SH3KBP1: variants seen among roughly 807,000 people sequenced by gnomAD.
SH3KBP1 encodes the protein SH3 domain containing kinase binding protein 1, also known as SH3 domain-containing kinase-binding protein 1.
A neutral mutation model predicts 50.1 loss-of-function variants in SH3KBP1; 8 were observed. The observed-to-expected ratio is 0.16, with a 90% CI of 0.09 to 0.29. The LOEUF (loss-of-function observed/expected upper bound fraction) is 0.29, where lower values mean the gene tolerates loss of function less well. Among genes scored for constraint, SH3KBP1 ranks in the 10% least tolerant of loss-of-function variants. SH3KBP1 has a pLI of 1.00. For synonymous variants in SH3KBP1, 227 were observed against 218.6 expected, an observed-to-expected ratio of 1.04 and a Z score of -0.34; for missense variants, 377 against 535.2, an observed-to-expected ratio of 0.70 and a Z score of 2.92.
chrX:19,874,709 A>AG lies in SH3KBP1; in HGVS notation c.4+12597dup, dbSNP rs749171302. Among the ~76,000 whole-genome samples the AG allele has an allele frequency of 6.2e-5, 5 of 80,904 alleles. No homozygotes were observed. In the East Asian group the frequency reaches 2.0e-3, roughly 32 times the overall value. The allele number at this position is 80,904 out of a possible 115,157, so 70.3% of individuals were successfully genotyped here. ...GAGAGCAGAAGTGGGGAGGGTCAGG[A>AG]GGCTGGGGGTGGACAGTGAGGATGC... is the stretch of plus-strand genomic sequence containing the variant. On this transcript the variant is annotated intron_variant, in intron 1 of 17. Coordinates refer to ENST00000397821, the MANE Select transcript of SH3KBP1 (RefSeq NM_031892.3).
At chrX:19,746,496 T>C in intron 2 of SH3KBP1, 55 bp from the exon 3 acceptor site, 1 of 1,069,631 alleles carries the variant, frequency 9.3e-7, no homozygotes, top group Non-Finnish European at 1.3e-6. Flanking sequence ...TTAGAATGCC[T>C]CTTGGACTAT....
chrX:19,873,273 C>CATATATATATATATATGTATATATATAT (rs954295291), intron 1 of SH3KBP1, among the ~76,000 whole-genome samples: 1 of 78,619 alleles, frequency 1.3e-5, no homozygotes, highest in Non-Finnish European at 2.4e-5. Context: ...AAAACAAGGA[C>CATATATATATATATATGTATATATATAT]ATATATATAT....
At chrX:19,596,424 G>T (rs189448682) in intron 9 of SH3KBP1, among the ~76,000 whole-genome samples, 7 of 112,163 alleles carry the variant, frequency 6.2e-5, no homozygotes, top group African/African-American at 2.3e-4. Context: ...TAAACTTTTT[G>T]CTGGGGGAGG....
chrX:19,873,791 G>A (rs942320077), intron 1 of SH3KBP1, among the ~76,000 whole-genome samples: 1 of 109,244 alleles, frequency 9.2e-6, no homozygotes, highest in Admixed American at 9.8e-5. Context: ...GCTCACACCT[G>A]TAATCCCAGC....
chrX:19,886,385 C>T (rs924854647), intron 1 of SH3KBP1, among the ~76,000 whole-genome samples: 12 of 112,089 alleles, frequency 1.1e-4, no homozygotes, highest in African/African-American at 3.6e-4. Context: ...GGCTGAAAAA[C>T]AGAAGCTGGC....
chrX:19,831,038 A>G (rs1379959328), intron 2 of SH3KBP1, among the ~76,000 whole-genome samples: 1 of 111,995 alleles, frequency 8.9e-6, no homozygotes, highest in Non-Finnish European at 1.9e-5. Context: ...CTGAGACAGC[A>G]CTGAGATGAA....
chrX:19,796,713 G>T (rs1184160992), intron 2 of SH3KBP1, among the ~76,000 whole-genome samples: 2 of 112,511 alleles, frequency 1.8e-5, no homozygotes, highest in Non-Finnish European at 3.8e-5. Flanking sequence ...TCTCAGTAAA[G>T]AAATAAAGCA....
At chrX:19,723,710 T>C (rs2064139980) in intron 3 of SH3KBP1, among the ~76,000 whole-genome samples, 1 of 112,113 alleles carries the variant, frequency 8.9e-6, no homozygotes, top group African/African-American at 3.2e-5. Context: ...TGTATTATTT[T>C]TATAGTAAGT....
At chrX:19,761,798 A>T (rs941472610) in intron 2 of SH3KBP1, among the ~76,000 whole-genome samples, 13 of 112,753 alleles carry the variant, frequency 1.2e-4, no homozygotes, top group African/African-American at 4.2e-4. Flanking sequence ...GTGGGTAACC[A>T]CTCAAAAATT....
At chrX:19,654,646 G>A (rs2062225902) in intron 6 of SH3KBP1, among the ~76,000 whole-genome samples, 1 of 112,071 alleles carries the variant, frequency 8.9e-6, no homozygotes, top group African/African-American at 3.2e-5. Flanking sequence ...TGTTTAAAAT[G>A]CTATTTTCTG....
chrX:19,643,303 T>A (rs1419385696), intron 7 of SH3KBP1, among the ~76,000 whole-genome samples: 12 of 90,321 alleles, frequency 1.3e-4, no homozygotes, highest in African/African-American at 6.7e-4. Flanking sequence ...CTGAAGAATT[T>A]TTTATTTTTT....
At chrX:19,592,247 A>C in intron 10 of SH3KBP1, 100 bp from the exon 11 acceptor site, 1 of 707,961 alleles carries the variant, frequency 1.4e-6, no homozygotes, top group Non-Finnish European at 2.1e-6. Context: ...AAAGTCAGTA[A>C]GATTTTTTCC....
chrX:19,722,973 AAAAACAAAAC>A (rs1263375946), intron 3 of SH3KBP1, among the ~76,000 whole-genome samples: 1 of 109,665 alleles, frequency 9.1e-6, no homozygotes, highest in Non-Finnish European at 1.9e-5. Context: ...CATCTCCACA[AAAAACAAAAC>A]AAAACAAAAC....
At chrX:19,846,737 A>AC (rs1174784456) in intron 1 of SH3KBP1, among the ~76,000 whole-genome samples, 1 of 110,773 alleles carries the variant, frequency 9.0e-6, no homozygotes, top group East Asian at 2.8e-4. Context: ...ATCGCTCCCC[A>AC]CCCCCCAACA....
At chrX:19,856,385 G>A (rs1353782853) in intron 1 of SH3KBP1, among the ~76,000 whole-genome samples, 2 of 111,707 alleles carry the variant, frequency 1.8e-5, no homozygotes, top group African/African-American at 6.5e-5. Flanking sequence ...CTCATATAAG[G>A]AGCTAAAAAG....
chrX:19,537,401 T>C (rs1402210842), intron 17 of SH3KBP1, among the ~76,000 whole-genome samples: 1 of 104,679 alleles, frequency 9.6e-6, no homozygotes, highest in Non-Finnish European at 1.9e-5. Context: ...GAGGTTGCAG[T>C]GAGCCAAGAT....
chrX:19,565,051 ATTTTTTTTTTTTTTT>A (rs59323105), intron 13 of SH3KBP1, among the ~76,000 whole-genome samples: 2 of 66,520 alleles, frequency 3.0e-5, no homozygotes, highest in South Asian at 7.1e-4. Flanking sequence ...TTCAACTCCA[ATTTTTTTTTTTTTTT>A]TTTTTTTTTT....
intron 2 of SH3KBP1, among the ~76,000 whole-genome samples, chrX:19,833,888 T>C (rs2067987316): frequency 2.7e-5 from 3 of 111,890 alleles, no homozygotes; most frequent in South Asian, 7.4e-4. Context: ...TGTTGGGATA[T>C]GCAAAAGAAC....
At chrX:19,766,200 C>G (rs968984051) in intron 2 of SH3KBP1, among the ~76,000 whole-genome samples, 1 of 110,708 alleles carries the variant, frequency 9.0e-6, no homozygotes, top group Non-Finnish European at 1.9e-5. Context: ...TTTATAGCAG[C>G]CATCCTAATG....
Sources: allele counts gnomAD v4.1 joint callset (sites outside exome capture counted in the v4.1 genomes callset), GRCh38; gene constraint gnomAD v4.1.1; transcripts MANE v1.5; gene names NCBI Gene and HGNC (gene_info 2026-07-23, HGNC 2026-07-21).